The following JAKMIP1 variants were observed in gnomAD, a reference collection of about 807,000 sequenced individuals.
JAKMIP1 encodes the protein janus kinase and microtubule-interacting protein 1.
JAKMIP1 carries 33 observed loss-of-function variants against 113.0 expected under a neutral mutation model. That is an observed-to-expected ratio of 0.29 (90% CI 0.22 to 0.39). JAKMIP1 has a LOEUF of 0.39. Among genes scored for constraint, JAKMIP1 ranks in the 10% least tolerant of loss-of-function variants. The probability of loss-of-function intolerance (pLI) is 1.00; values close to 1 mark genes in which losing one functional copy is unlikely to be tolerated. For missense variants in JAKMIP1, 813 were observed against 1,080.5 expected, an observed-to-expected ratio of 0.75 and a Z score of 3.47; for synonymous variants, 480 against 459.9, an observed-to-expected ratio of 1.04 and a Z score of -0.56.
chr4:6,097,633 A>T lies in JAKMIP1; in HGVS notation c.624+7840T>A, dbSNP rs185613894. ...TGGGACTTTGGATTAGGGATGCTCA[A>T]CCTATTTCTATACCACCTTTGGAAA... On this transcript the variant is annotated intron_variant, in intron 3 of 20. Coordinates refer to ENST00000409021, the MANE Select transcript of JAKMIP1 (RefSeq NM_001099433.2). The surrounding 1 kb of genome is among the most constrained non-coding windows in gnomAD (Gnocchi z 4.3). Among the ~76,000 whole-genome samples the T allele has an allele frequency of 1.3e-5, 2 of 152,340 alleles. No homozygotes were observed. The highest frequency in any genetic ancestry group is 3.9e-4 in the East Asian group (2 of 5,178).
chr4:6,112,824 G>A lies in JAKMIP1; in HGVS notation c.27C>T (p.Gly9=), dbSNP rs747447096. MSKKGRSK[G]EKPEMETDAV... ...CGTCCGTCTCCATCTCGGGCTTCTC[G>A]CCCTTGCTCCGGCCTTTCTTCGACA... The change falls in exon 2 of 21, where the codon GGC becomes GGT. Residue 9 remains glycine (G), a synonymous_variant. Coordinates refer to ENST00000409021, the MANE Select transcript of JAKMIP1 (RefSeq NM_001099433.2). 15 of 1,613,854 alleles carry A rather than the reference G, an allele frequency of 9.3e-6. No homozygotes were observed. The highest frequency in any genetic ancestry group is 4.4e-5 in the South Asian group (4 of 91,072).
At chr4:6,092,162 G>A (rs1275013792) in intron 3 of JAKMIP1, among the ~76,000 whole-genome samples, 1 of 150,202 alleles carries the variant, frequency 6.7e-6, no homozygotes, top group Non-Finnish European at 1.5e-5. Context: ...TGGGTGTCCC[G>A]CCCCCTCCCT....
At position 6,142,379 on chromosome 4, in the gene JAKMIP1, T is replaced by C. The variant is rs905624744; in HGVS notation, c.-147-29382A>G. Among the ~76,000 whole-genome samples, 1 of 152,192 alleles carries C rather than the reference T, an allele frequency of 6.6e-6. No individual in the cohort carries two copies. Among genetic ancestry groups the C allele is most frequent in the African/African-American group, 2.4e-5 (1 of 41,444 alleles). On this transcript the variant is annotated intron_variant, in intron 1 of 20. Transcript: ENST00000409021. The surrounding 1 kb of genome is among the most constrained non-coding windows in gnomAD (Gnocchi z 5.5). ...TGTGCTTTAAAAGGGCAGTTTCTCG[T>C]GTTCTGTCCTTCCCGAGTCCAGTGT...
rs1045911610 is a variant in JAKMIP1 at position 6,080,613 on chromosome 4, C to T, written c.1102-301G>A. 1.1e-4 allele frequency among the ~76,000 whole-genome samples: 17 copies of T among 152,250 alleles called. No individual in the cohort carries two copies. The highest frequency in any genetic ancestry group is 3.6e-4 in the African/African-American group (15 of 41,544). ...TCTGATGTTTTTATAAGGGTTTTCC[C>T]CTTTTACTTGGCTCTCAGTCTGTCT... On this transcript the variant is annotated intron_variant, in intron 6 of 20. Transcript: ENST00000409021. This position sits in a 1 kb window ranked among gnomAD's most constrained non-coding sequence, Gnocchi z 6.0.
At chr4:6,104,953 C>T (rs1713655556) in intron 3 of JAKMIP1, among the ~76,000 whole-genome samples, 1 of 152,196 alleles carries the variant, frequency 6.6e-6, no homozygotes, top group Non-Finnish European at 1.5e-5. Context: ...CCACAAATGC[C>T]CCAAGGGAAG....
chr4:6,115,995 T>C (rs906271509), intron 1 of JAKMIP1, among the ~76,000 whole-genome samples: 27 of 152,116 alleles, frequency 1.8e-4, no homozygotes, highest in African/African-American at 6.5e-4. Flanking sequence ...CTCGATCCGA[T>C]TCCAGGGTGA....
Position 6,040,427 on chromosome 4 carries a change from T to C in JAKMIP1, c.2175+212A>G, listed in dbSNP as rs1438491106. 6.6e-6 allele frequency among the ~76,000 whole-genome samples: 1 copy of C among 152,212 alleles called. No individual in the cohort carries two copies. Among genetic ancestry groups the C allele is most frequent in the East Asian group, 1.9e-4 (1 of 5,194 alleles). On this transcript the variant is annotated intron_variant, in intron 18 of 20. Transcript: ENST00000409021. The surrounding 1 kb of genome is among the most constrained non-coding windows in gnomAD (Gnocchi z 5.8). ...TAAGAAGCATGTCTAAGAAAACCAT[T>C]AAAGTAACTTTGAATATTTTTGAAA...
intron 1 of JAKMIP1, among the ~76,000 whole-genome samples, chr4:6,146,208 C>T (rs1180643570): frequency 9.8e-6 from 1 of 102,544 alleles, no homozygotes; most frequent in Non-Finnish European, 1.9e-5. Context: ...GACAGAAAGT[C>T]GAATGATAGC....
At chr4:6,090,264 G>A (rs146492841) in intron 3 of JAKMIP1, among the ~76,000 whole-genome samples, 4 of 152,164 alleles carry the variant, frequency 2.6e-5, no homozygotes, top group African/African-American at 7.2e-5. Flanking sequence ...CTGCAGACAT[G>A]CAGGGGAGAA....
rs1261882995 is a variant in JAKMIP1 at position 6,156,851 on chromosome 4, C to T, written c.-148+43402G>A. On this transcript the variant is annotated intron_variant, in intron 1 of 20. Coordinates refer to ENST00000409021, the MANE Select transcript of JAKMIP1 (RefSeq NM_001099433.2). The surrounding 1 kb of genome is among the most constrained non-coding windows in gnomAD (Gnocchi z 5.0). Reference sequence around the variant, plus strand: ...GTCTGCCCATGATAGGTGTTGGTCACGTTACAATTGTTCAGTAGACCCACA... The same window carrying T: ...GTCTGCCCATGATAGGTGTTGGTCATGTTACAATTGTTCAGTAGACCCACA... Among the ~76,000 whole-genome samples the T allele has an allele frequency of 1.3e-5, 2 of 152,210 alleles. No individual in the cohort carries two copies. Among genetic ancestry groups the T allele is most frequent in the Non-Finnish European group, 2.9e-5 (2 of 68,042 alleles).
chr4:6,110,468 C>G (rs1409372192), intron 2 of JAKMIP1, among the ~76,000 whole-genome samples: 3 of 151,258 alleles, frequency 2.0e-5, no homozygotes, highest in Non-Finnish European at 4.4e-5. Context: ...GCTAACACAC[C>G]TGGGCAAGTC....
rs1162105397 is a variant in JAKMIP1, at chr4:6,088,799, G to C, written c.625-3170C>G. Among the ~76,000 whole-genome samples, 1 of 152,140 alleles carries C rather than the reference G, an allele frequency of 6.6e-6. No homozygotes were observed. The highest frequency in any genetic ancestry group is 1.5e-5 in the Non-Finnish European group (1 of 68,022). Reference sequence around the variant, plus strand: ...CCTTGGGATGCTGATGAAATCTCAAGCTTCCTGGAACTGCTCACCTGACCA... The same window carrying C: ...CCTTGGGATGCTGATGAAATCTCAACCTTCCTGGAACTGCTCACCTGACCA... On this transcript the variant is annotated intron_variant, in intron 3 of 20. Coordinates refer to ENST00000409021, the MANE Select transcript of JAKMIP1 (RefSeq NM_001099433.2). The surrounding 1 kb of genome is among the most constrained non-coding windows in gnomAD (Gnocchi z 5.5).
Position 6,080,155 on chromosome 4 carries a change from A to T in JAKMIP1, c.1242+17T>A, listed in dbSNP as rs376126365. On this transcript the variant is annotated intron_variant, in intron 7 of 20. Coordinates refer to ENST00000409021, the MANE Select transcript of JAKMIP1 (RefSeq NM_001099433.2). The surrounding 1 kb of genome is among the most constrained non-coding windows in gnomAD (Gnocchi z 6.0). ...CACCCCTGCCAGGGGCAGCCGCGCCAGCTGTGCTAGATGTACCAGTGAGAG... is the reference window on the plus strand; with the variant it reads ...CACCCCTGCCAGGGGCAGCCGCGCCTGCTGTGCTAGATGTACCAGTGAGAG... The T allele has an allele frequency of 1.8e-5, 29 of 1,586,030 alleles. No homozygotes were observed. In the African/African-American group the frequency reaches 3.2e-4, roughly 18 times the overall value.
chr4:6,094,078 C>G lies in JAKMIP1; in HGVS notation c.625-8449G>C, dbSNP rs1307029169. ...GCCAGGCAGGGTTTTAGCCATGGCC[C>G]CCCAGGACTCCCCCGAGAGGCTGGC... On this transcript the variant is annotated intron_variant, in intron 3 of 20. Coordinates refer to ENST00000409021, the MANE Select transcript of JAKMIP1 (RefSeq NM_001099433.2). The surrounding 1 kb of genome is among the most constrained non-coding windows in gnomAD (Gnocchi z 4.2). Among the ~76,000 whole-genome samples, 1 of 152,044 alleles carries G rather than the reference C, an allele frequency of 6.6e-6. No homozygotes were observed. The highest frequency in any genetic ancestry group is 1.5e-5 in the Non-Finnish European group (1 of 68,010).
chr4:6,140,347 G>A lies in JAKMIP1; in HGVS notation c.-147-27350C>T, dbSNP rs931725848. On this transcript the variant is annotated intron_variant, in intron 1 of 20. Coordinates refer to ENST00000409021, the MANE Select transcript of JAKMIP1 (RefSeq NM_001099433.2). This position sits in a 1 kb window ranked among gnomAD's most constrained non-coding sequence, Gnocchi z 9.4. ...CATAATGCACACCTGATGATGGGCC[G>A]ACCATAAATCCCCCCACGTGGCGAG... 2.7e-5 allele frequency among the ~76,000 whole-genome samples: 4 copies of A among 150,566 alleles called. No homozygotes were observed. The highest frequency in any genetic ancestry group is 2.0e-4 in the East Asian group (1 of 5,106).
rs932085134 is a variant in JAKMIP1 at position 6,069,037 on chromosome 4, AATAG to A, written c.1303-4033_1303-4030del. Among the ~76,000 whole-genome samples the A allele has an allele frequency of 6.6e-5, 10 of 152,354 alleles. No homozygotes were observed. The highest frequency in any genetic ancestry group is 1.0e-4 in the Non-Finnish European group (7 of 68,046). ...TATATTTGTGTCTTTATTAATAAAA[AATAG>A]AAACAATATATTAATGTTTAAAGTA... On this transcript the variant is annotated intron_variant, in intron 8 of 20. Transcript: ENST00000409021. The surrounding 1 kb of genome is among the most constrained non-coding windows in gnomAD (Gnocchi z 4.5).
chr4:6,098,602 GGAAGA>G, intron 3 of JAKMIP1, among the ~76,000 whole-genome samples: 16 of 133,628 alleles, frequency 1.2e-4, no homozygotes, highest in Non-Finnish European at 2.3e-4. Flanking sequence ...AAGAAAGAAA[GGAAGA>G]AAAGAAAGAA....
At chr4:6,170,713 ACC>A (rs1724480366) in intron 1 of JAKMIP1, among the ~76,000 whole-genome samples, 1 of 74,678 alleles carries the variant, frequency 1.3e-5, no homozygotes, top group African/African-American at 3.7e-5. Flanking sequence ...CATCACCACC[ACC>A]ATCCCCATCC....
At chr4:6,146,423 T>C (rs981238297) in intron 1 of JAKMIP1, among the ~76,000 whole-genome samples, 2 of 152,108 alleles carry the variant, frequency 1.3e-5, no homozygotes, top group Non-Finnish European at 2.9e-5. Context: ...CCCCAAGTAG[T>C]AGTTGGGACT....
Sources: gnomAD v4.1 joint callset for allele counts (sites outside exome capture counted in the v4.1 genomes callset) on GRCh38, gnomAD v4.1.1 for gene constraint, Gnocchi (gnomAD v3.1) non-coding constraint, MANE v1.5 for transcripts, NCBI Gene and HGNC (gene_info 2026-07-23, HGNC 2026-07-21) for gene names.